The following ACOT13 variants were observed in gnomAD, a reference collection of about 807,000 sequenced individuals.
The protein encoded by ACOT13 is acyl-CoA thioesterase 13.
In ACOT13, 10 loss-of-function variants were observed where a neutral mutation model predicts 11.8. The observed-to-expected ratio is 0.85, with a 90% CI of 0.53 to 1.44. The LOEUF is 1.44. Ranked by LOEUF, ACOT13 falls within the 40% of genes most tolerant of loss-of-function variation. The pLI, the probability that ACOT13 is intolerant of heterozygous loss-of-function variation, is 0.00. For missense variants in ACOT13, 172 were observed against 174.1 expected, an observed-to-expected ratio of 0.99 and a Z score of 0.07; for synonymous variants, 53 against 61.0, an observed-to-expected ratio of 0.87 and a Z score of 0.61.
chr6:24,699,506 A>G (rs190213336), intron 2 of ACOT13, among the ~76,000 whole-genome samples: 421 of 152,310 alleles, frequency 2.8e-3, no homozygotes, highest in East Asian at 0.011. Flanking sequence ...CACCGCGCCC[A>G]GCCAATGTAG....
At chr6:24,700,480 G>A (rs920846328) in intron 2 of ACOT13, among the ~76,000 whole-genome samples, 2 of 131,476 alleles carry the variant, frequency 1.5e-5, no homozygotes, top group South Asian at 4.7e-4. Flanking sequence ...CTGTTGCCCA[G>A]GCTGGAGTCC....
intron 1 of ACOT13, among the ~76,000 whole-genome samples, chr6:24,682,078 G>A (rs893500417): frequency 3.3e-5 from 5 of 152,162 alleles, no homozygotes; most frequent in African/African-American, 7.2e-5. Flanking sequence ...GCAGACCAAC[G>A]TCCCCAACCC....
chr6:24,681,724 C>T (rs1168103823), intron 1 of ACOT13, among the ~76,000 whole-genome samples: 1 of 152,062 alleles, frequency 6.6e-6, no homozygotes, highest in Non-Finnish European at 1.5e-5. Flanking sequence ...AGCCCAGGTG[C>T]CTAAGGACAC....
Position 24,701,730 on chromosome 6 carries a change from C to A in ACOT13, c.*115C>A. 1 of 1,170,586 alleles carries A rather than the reference C, an allele frequency of 8.5e-7. No homozygotes were observed. Among genetic ancestry groups the A allele is most frequent in the Non-Finnish European group, 1.2e-6 (1 of 859,352 alleles). 72.5% of individuals were successfully genotyped at this position (1,170,586 alleles called of 1,614,324 possible). ...AAAACCAGAAGCAGCTAGAAATATT[C>A]TTGGAGGAAAAGGACCTGGATATCA... On this transcript the variant is annotated 3_prime_UTR_variant, in exon 3 of 3. Coordinates refer to ENST00000230048, the MANE Select transcript of ACOT13 (RefSeq NM_018473.4).
chr6:24,698,533 C>T (rs1778835989), intron 2 of ACOT13, among the ~76,000 whole-genome samples: 1 of 151,412 alleles, frequency 6.6e-6, no homozygotes, highest in Non-Finnish European at 1.5e-5. Flanking sequence ...TTTAAAAATA[C>T]CACTTATAAC....
Position 24,686,969 on chromosome 6 carries a change from A to G in ACOT13, c.82-10914A>G, listed in dbSNP as rs181870225. ...GCATGAGCAAGAGGGGCACCAAACC[A>G]TTCGTGAGAAATCTATCCCCATTAC... On this transcript the variant is annotated intron_variant, in intron 1 of 2. Coordinates refer to ENST00000230048, the MANE Select transcript of ACOT13 (RefSeq NM_018473.4). Among the ~76,000 whole-genome samples, 34 of 152,332 alleles carry G rather than the reference A, an allele frequency of 2.2e-4. No individual in the cohort carries two copies. In the East Asian group the frequency reaches 6.4e-3, roughly 28 times the overall value.
Position 24,685,332 on chromosome 6 carries a change from C to CTTTTT in ACOT13, c.82-12523_82-12519dup, listed in dbSNP as rs563020332. Among the ~76,000 whole-genome samples, 677 of 116,534 alleles carry CTTTTT rather than the reference C, an allele frequency of 5.8e-3. 21 individuals carry two copies. Among genetic ancestry groups the CTTTTT allele is most frequent in the Non-Finnish European group, 9.2e-3 (507 of 55,364 alleles). 76.5% of individuals were successfully genotyped at this position (116,534 alleles called of 152,430 possible). On this transcript the variant is annotated intron_variant, in intron 1 of 2. Coordinates refer to ENST00000230048, the MANE Select transcript of ACOT13 (RefSeq NM_018473.4). ...ACATGGTCTCTTTCCTTTTACTGTA[C>CTTTTT]TTTTTTTTTTTTTTTTTTTTTTTTT...
intron 2 of ACOT13, 198 bp from the exon 3 acceptor site, chr6:24,701,259 CTT>C (rs1463552876): frequency 5.3e-6 from 2 of 373,956 alleles, no homozygotes; most frequent in Non-Finnish European, 9.4e-6. Flanking sequence ...GGAAAAGAAA[CTT>C]GTGTGGGTAA....
chr6:24,692,190 A>G (rs1778727632), intron 1 of ACOT13, among the ~76,000 whole-genome samples: 1 of 152,136 alleles, frequency 6.6e-6, no homozygotes, highest in African/African-American at 2.4e-5. Flanking sequence ...GAGGAAAACC[A>G]GGAGGAGGTG....
intron 1 of ACOT13, among the ~76,000 whole-genome samples, chr6:24,685,155 T>C (rs199773413): frequency 6.6e-6 from 1 of 152,326 alleles, no homozygotes; most frequent in East Asian, 1.9e-4. Context: ...GGCTACTGGC[T>C]GTTGAACTGT....
chr6:24,697,978 G>A lies in ACOT13; in HGVS notation c.177G>A (p.Leu59=). The A allele has an allele frequency of 6.2e-7, 1 of 1,613,994 alleles. No individual in the cohort carries two copies. Among genetic ancestry groups the A allele is most frequent in the Non-Finnish European group, 8.5e-7 (1 of 1,179,974 alleles). Residue 59 remains leucine, a synonymous_variant, in exon 2 of 3, where the codon TTG becomes TTA. Transcript: ENST00000230048. The stretch of plus-strand genomic sequence containing the variant: ...CAATAGGCACTCTCCACGGCGGTTT[G>A]ACAGCCACGTTAGTAGATAACATAT... ...TNAIGTLHGG[L]TATLVDNIST...
At position 24,704,237 on chromosome 6, in the gene ACOT13, G is replaced by C. The variant is rs760818585; in HGVS notation, c.*2622G>C. The C allele has an allele frequency of 6.7e-6, 1 of 149,050 alleles. No individual in the cohort carries two copies. Among genetic ancestry groups the C allele is most frequent in the Non-Finnish European group, 1.5e-5 (1 of 67,962 alleles). 9.2% of individuals were successfully genotyped at this position (149,050 alleles called of 1,614,324 possible). A position where few individuals can be genotyped will look rare whatever the true frequency, so the allele number is the denominator to read the frequency against. On this transcript the variant is annotated 3_prime_UTR_variant, in exon 3 of 3. Transcript: ENST00000230048. ...TAGCTCACAGGTATAAGTGTACAGA[G>C]AAAATGAAAAAAATGTGGCAAAATA...
intron 1 of ACOT13, among the ~76,000 whole-genome samples, chr6:24,673,558 A>G (rs867996996): frequency 3.9e-5 from 6 of 152,276 alleles, no homozygotes; most frequent in Admixed American, 1.3e-4. Context: ...ACGAGGTGTC[A>G]CTACGTTGGC....
Position 24,702,004 on chromosome 6 carries a change from G to A in ACOT13, c.*389G>A, listed in dbSNP as rs1480350861. Reference sequence around the variant, plus strand: ...ACAGAAATTTTTCATGGTTCTAGAAGCTGGAAAGTCCTGGGTCAAGGCCCA... The same window carrying A: ...ACAGAAATTTTTCATGGTTCTAGAAACTGGAAAGTCCTGGGTCAAGGCCCA... On this transcript the variant is annotated 3_prime_UTR_variant, in exon 3 of 3. Coordinates refer to ENST00000230048, the MANE Select transcript of ACOT13 (RefSeq NM_018473.4). 2 of 156,708 alleles carry A rather than the reference G, an allele frequency of 1.3e-5. No homozygotes were observed. Among genetic ancestry groups the A allele is most frequent in the Admixed American group, 1.3e-4 (2 of 15,582 alleles). 9.7% of individuals were successfully genotyped at this position (156,708 alleles called of 1,614,324 possible). A position where few individuals can be genotyped will look rare whatever the true frequency, so the allele number is the denominator to read the frequency against.
At chr6:24,669,411 CATTT>C (rs1417236518) in intron 1 of ACOT13, among the ~76,000 whole-genome samples, 1 of 152,162 alleles carries the variant, frequency 6.6e-6, no homozygotes, top group African/African-American at 2.4e-5. Flanking sequence ...GTCAGATACA[CATTT>C]ATCTCAATGA....
Position 24,667,223 on chromosome 6 carries a change from T to C in ACOT13, c.-41T>C, listed in dbSNP as rs2127619809. On this transcript the variant is annotated 5_prime_UTR_variant, in exon 1 of 3. Coordinates refer to ENST00000230048, the MANE Select transcript of ACOT13 (RefSeq NM_018473.4). ...CTGGACTTTCCAGCTCTTCCGAAGTTCGTTCTTGCGCAAAGCCCAAAGGCT... is the reference window on the plus strand; with the variant it reads ...CTGGACTTTCCAGCTCTTCCGAAGTCCGTTCTTGCGCAAAGCCCAAAGGCT... The C allele has an allele frequency of 6.3e-7, 1 of 1,597,172 alleles. No homozygotes were observed. The highest frequency in any genetic ancestry group is 2.2e-5 in the East Asian group (1 of 44,818).
chr6:24,688,592 C>A (rs1778673558), intron 1 of ACOT13, among the ~76,000 whole-genome samples: 1 of 150,902 alleles, frequency 6.6e-6, no homozygotes, highest in South Asian at 2.1e-4. Context: ...AATGTCCAAC[C>A]ATGGGAGAAT....
At chr6:24,667,858 C>T (rs1778286975) in intron 1 of ACOT13, among the ~76,000 whole-genome samples, 1 of 152,220 alleles carries the variant, frequency 6.6e-6, no homozygotes, top group Non-Finnish European at 1.5e-5. Flanking sequence ...TGGAGGAAGA[C>T]TGAGTGCTTT....
At chr6:24,700,341 C>G (rs1309716678) in intron 2 of ACOT13, among the ~76,000 whole-genome samples, 1 of 150,788 alleles carries the variant, frequency 6.6e-6, no homozygotes, top group Non-Finnish European at 1.5e-5. Flanking sequence ...GGCCAAACTA[C>G]TACTAAACAT....
Sources: gnomAD v4.1 joint callset for allele counts (sites outside exome capture counted in the v4.1 genomes callset) on GRCh38, gnomAD v4.1.1 for gene constraint, MANE v1.5 for transcripts, NCBI Gene and HGNC (gene_info 2026-07-23, HGNC 2026-07-21) for gene names.